SLITRK6: variants seen among roughly 807,000 people sequenced by gnomAD.
SLITRK6 encodes SLIT and NTRK like family member 6, also known as SLIT and NTRK-like protein 6.
A neutral mutation model predicts 55.6 loss-of-function variants in SLITRK6; 35 were observed. The observed-to-expected ratio is 0.63, with a 90% CI of 0.48 to 0.83. SLITRK6 has a LOEUF of 0.83. Among genes scored for constraint, SLITRK6 ranks in the 40% least tolerant of loss-of-function variants. The pLI is 0.00. For synonymous variants in SLITRK6, 392 were observed against 359.6 expected, an observed-to-expected ratio of 1.09 and a Z score of -1.02; for missense variants, 977 against 986.4, an observed-to-expected ratio of 0.99 and a Z score of 0.13.
At position 85,796,106 on chromosome 13, in the gene SLITRK6, G is replaced by C. The variant is rs200025237; in HGVS notation, c.403C>G (p.Leu135Val). The C allele has an allele frequency of 1.2e-6, 2 of 1,612,512 alleles. No homozygotes were observed. The highest frequency in any genetic ancestry group is 2.2e-5 in the South Asian group (2 of 90,914). ...EILKEDTFHG[L>V]ENLEFLQADN... is the part of the protein sequence containing the mutation. Reference sequence around the variant, plus strand: ...GCTTGCAGGAATTCCAGGTTTTCCAGTCCATGGAAAGTATCCTCTTTAAGA... The same window carrying C: ...GCTTGCAGGAATTCCAGGTTTTCCACTCCATGGAAAGTATCCTCTTTAAGA... The change falls in exon 2 of 2, where the codon CTG (leucine) becomes GTG (valine). Residue 135 changes from leucine (L) to valine (V), a missense_variant. Coordinates refer to ENST00000647374, the MANE Select transcript of SLITRK6 (RefSeq NM_032229.3).
Position 85,794,766 on chromosome 13 carries a change from G to C in SLITRK6, c.1743C>G (p.Tyr581Ter). The C allele has an allele frequency of 6.2e-7, 1 of 1,613,234 alleles. No homozygotes were observed. Among genetic ancestry groups the C allele is most frequent in the Non-Finnish European group, 8.5e-7 (1 of 1,179,532 alleles). The change falls in exon 2 of 2, where the codon TAC becomes TAG. Residue 581 changes from tyrosine (Y) to a stop codon, truncating the protein, a stop_gained. Coordinates refer to ENST00000647374, the MANE Select transcript of SLITRK6 (RefSeq NM_032229.3). LOFTEE classifies it high-confidence loss of function. Reference sequence around the variant, plus strand: ...TTGTTGCAGGAGTGGTGACCATAAGGTAACTAGTCTGTGTTGGCATGGATG... The same window carrying C: ...TTGTTGCAGGAGTGGTGACCATAAGCTAACTAGTCTGTGTTGGCATGGATG... ...NNPSMPTQTS[Y>*]LMVTTPATTT...
rs757970555 is a variant in SLITRK6, at chr13:85,795,183, A to C, written c.1326T>G (p.Leu442=). ...LGLHNLEYLY[L]EYNAIKEILP... ...GTATTTCCTTAATGGCATTGTATTC[A>C]AGATATAAGTATTCAAGATTATGGA... is the stretch of plus-strand genomic sequence containing the variant. Residue 442 remains leucine, a synonymous_variant, in exon 2 of 2, where the codon CTT becomes CTG. Transcript: ENST00000647374. The C allele has an allele frequency of 4.3e-6, 7 of 1,612,542 alleles. No individual in the cohort carries two copies. Among genetic ancestry groups the C allele is most frequent in the Non-Finnish European group, 5.1e-6 (6 of 1,179,352 alleles).
rs1436270401 is a variant in SLITRK6, at chr13:85,795,751, A to G, written c.758T>C (p.Phe253Ser). The G allele has an allele frequency of 6.2e-7, 1 of 1,612,782 alleles. No homozygotes were observed. Among genetic ancestry groups the G allele is most frequent in the Non-Finnish European group, 8.5e-7 (1 of 1,179,312 alleles). ...GDVVCNSPPF[F>S]KGSILSRLKK... ...TAGTCTACTGAGTATACTTCCTTTA[A>G]AAAATGGAGGGCTGTTGCAGACAAC... is the stretch of plus-strand genomic sequence containing the variant. Residue 253 changes from phenylalanine to serine, a missense_variant, in exon 2 of 2, where the codon TTT becomes TCT. Coordinates refer to ENST00000647374, the MANE Select transcript of SLITRK6 (RefSeq NM_032229.3).
rs149671294 is a variant in SLITRK6 at position 85,793,660 on chromosome 13, G to A, written c.*323C>T. On this transcript the variant is annotated 3_prime_UTR_variant, in exon 2 of 2. Coordinates refer to ENST00000647374, the MANE Select transcript of SLITRK6 (RefSeq NM_032229.3). ...TAGGGAAAGCAATTCAAGAAAATTCGGGATACTTAAATGTTCAGCCTTTTT... is the reference window on the plus strand; with the variant it reads ...TAGGGAAAGCAATTCAAGAAAATTCAGGATACTTAAATGTTCAGCCTTTTT... The A allele has an allele frequency of 6.2e-5, 13 of 209,720 alleles. No homozygotes were observed. The highest frequency in any genetic ancestry group is 1.8e-4 in the African/African-American group (8 of 43,628). The allele number at this position is 209,720 out of a possible 1,614,324, so 13.0% of individuals were successfully genotyped here. A position where few individuals can be genotyped will look rare whatever the true frequency, so the allele number is the denominator to read the frequency against.
chr13:85,795,899 G>C lies in SLITRK6; in HGVS notation c.610C>G (p.Leu204Val), dbSNP rs745678177. The change falls in exon 2 of 2, where the codon CTC becomes GTC. Residue 204 changes from leucine (L) to valine (V), a missense_variant. By Grantham distance (32) the Leu-to-Val change is conservative. Transcript: ENST00000647374. ...QLQTLPYVGF[L>V]EHIGRILDLQ... ...TCCAATATTCGGCCAATGTGTTCGA[G>C]AAAACCAACATAAGGCAATGTTTGT... 6.2e-7 allele frequency: 1 copy of C among 1,613,008 alleles called. No homozygotes were observed. The highest frequency in any genetic ancestry group is 2.2e-5 in the East Asian group (1 of 44,812).
Position 85,793,968 on chromosome 13 carries a change from C to T in SLITRK6, c.*15G>A. On this transcript the variant is annotated 3_prime_UTR_variant, in exon 2 of 2. Transcript: ENST00000647374. ...AGAATCACAGCATTTCTGCGAAAGC[C>T]CTCAAACTCTCCATCTATGTTTGCT... is the stretch of plus-strand genomic sequence containing the variant. The T allele has an allele frequency of 6.4e-7, 1 of 1,571,896 alleles. No individual in the cohort carries two copies. The highest frequency in any genetic ancestry group is 8.6e-7 in the Non-Finnish European group (1 of 1,161,546).
Position 85,794,994 on chromosome 13 carries a change from A to G in SLITRK6, c.1515T>C (p.Asp505=), listed in dbSNP as rs1459087189. Reference sequence around the variant, plus strand: ...GGTCAATCTGGGTTAGCAAATCAAGATCATCCAAAATATTACTTACAGGTA... The same window carrying G: ...GGTCAATCTGGGTTAGCAAATCAAGGTCATCCAAAATATTACTTACAGGTA... ...THLPVSNILD[D]LDLLTQIDLE... Residue 505 remains aspartate, a synonymous_variant, in exon 2 of 2, where the codon GAT becomes GAC. Transcript: ENST00000647374. 6.2e-7 allele frequency: 1 copy of G among 1,613,080 alleles called. No homozygotes were observed. Among genetic ancestry groups the G allele is most frequent in the Non-Finnish European group, 8.5e-7 (1 of 1,179,434 alleles).
Position 85,795,519 on chromosome 13 carries a change from A to T in SLITRK6, c.990T>A (p.Pro330=). Residue 330 remains proline, a synonymous_variant, in exon 2 of 2, where the codon CCT becomes CCA. Transcript: ENST00000647374. The part of the protein sequence containing the change: ...PSTQLPGPYC[P]IPCNCKVLSP... ...ATAGGACTTTGCAGTTACAAGGAAT[A>T]GGGCAGTAAGGTCCTGGAAGTTGAG... is the stretch of plus-strand genomic sequence containing the variant. 6.2e-7 allele frequency: 1 copy of T among 1,612,980 alleles called. No individual in the cohort carries two copies.
rs528309262 is a variant in SLITRK6, at chr13:85,793,170, T to G, written c.*813A>C. 1.3e-5 allele frequency: 2 copies of G among 152,136 alleles called. No homozygotes were observed. The highest frequency in any genetic ancestry group is 4.1e-4 in the South Asian group (2 of 4,828). The allele number at this position is 152,136 out of a possible 1,614,324, so 9.4% of individuals were successfully genotyped here. A position where few individuals can be genotyped will look rare whatever the true frequency, so the allele number is the denominator to read the frequency against. On this transcript the variant is annotated 3_prime_UTR_variant, in exon 2 of 2. Coordinates refer to ENST00000647374, the MANE Select transcript of SLITRK6 (RefSeq NM_032229.3). ...AAACCCAATATATTCTCTAGTCATA[T>G]TTACAGCAGAATCTCAGTAGCATTT...
Position 85,794,880 on chromosome 13 carries a change from G to T in SLITRK6, c.1629C>A (p.Asp543Glu), listed in dbSNP as rs375655378. ...QKLSKNTVTD[D>E]ILCTSPGHLD... ...GATGCCCGGGGGAAGTGCAGAGGAT[G>T]TCATCTGTCACTGTGTTCTTGCTTA... Residue 543 changes from aspartate (D) to glutamate (E), a missense_variant, in exon 2 of 2, where the codon GAC (aspartate) becomes GAA (glutamate). Physicochemically the swap from Asp to Glu is conservative, Grantham distance 45 (BLOSUM62 2). Transcript: ENST00000647374. 3.8e-5 allele frequency: 62 copies of T among 1,612,978 alleles called. No individual in the cohort carries two copies. The highest frequency in any genetic ancestry group is 4.9e-5 in the Non-Finnish European group (58 of 1,179,516).
rs914647974 is a variant in SLITRK6, at chr13:85,792,912, C to G, written c.*1071G>C. The G allele has an allele frequency of 6.6e-6, 1 of 152,158 alleles. No individual in the cohort carries two copies. The highest frequency in any genetic ancestry group is 2.4e-5 in the African/African-American group (1 of 41,378). 9.4% of individuals were successfully genotyped at this position (152,158 alleles called of 1,614,324 possible). On this transcript the variant is annotated 3_prime_UTR_variant, in exon 2 of 2. Transcript: ENST00000647374. ...TACAGAATAAATATTTCATAGAAATCTAACTATGCCTTCTTGTAAAATAAA... is the reference window on the plus strand; with the variant it reads ...TACAGAATAAATATTTCATAGAAATGTAACTATGCCTTCTTGTAAAATAAA...
intron 1 of SLITRK6, 64 bp downstream of exon 1, chr13:85,798,850 A>G (rs1874798290): frequency 6.6e-6 from 1 of 151,972 alleles, no homozygotes; most frequent in Non-Finnish European, 1.5e-5. Context: ...CGAACATACA[A>G]ATTCAATCAC....
At position 85,794,204 on chromosome 13, in the gene SLITRK6, G is replaced by C; in HGVS notation, c.2305C>G (p.Leu769Val). The part of the protein sequence containing the change: ...ILEKERELQQ[L>V]GITEYLRKNI... ...TTCCTTAGGTATTCTGTGATTCCCAGTTGCTGAAGTTCCCTTTCTTTTTCT... is the reference window on the plus strand; with the variant it reads ...TTCCTTAGGTATTCTGTGATTCCCACTTGCTGAAGTTCCCTTTCTTTTTCT... The change falls in exon 2 of 2, where the codon CTG (leucine) becomes GTG (valine). Residue 769 changes from leucine to valine, a missense_variant. Physicochemically the swap from Leu to Val is conservative, Grantham distance 32. Transcript: ENST00000647374. 6.2e-7 allele frequency: 1 copy of C among 1,612,750 alleles called. No individual in the cohort carries two copies. The highest frequency in any genetic ancestry group is 8.5e-7 in the Non-Finnish European group (1 of 1,179,372).
rs1376495812 is a variant in SLITRK6, at chr13:85,796,462, A to G, written c.47T>C (p.Ile16Thr). ...CACTGGAGTTTGGGAGTGTAAAGAT[A>G]TACAGGCAAGGAGAGATGAATAAAA... ...HLFYSSLLAC[I>T]SLHSQTPVLS... Residue 16 changes from isoleucine (I) to threonine (T), a missense_variant, in exon 2 of 2, where the codon ATA becomes ACA. By Grantham distance (89) the Ile-to-Thr change is moderately conservative. Transcript: ENST00000647374. 2 of 1,594,886 alleles carry G rather than the reference A, an allele frequency of 1.3e-6. No individual in the cohort carries two copies. Among genetic ancestry groups the G allele is most frequent in the Non-Finnish European group, 1.7e-6 (2 of 1,173,440 alleles).
rs747579423 is a variant in SLITRK6, at chr13:85,794,812, CAG to C, written c.1695_1696del (p.Cys566SerfsTer6). On this transcript the variant is annotated frameshift_variant, in exon 2 of 2. Transcript: ENST00000647374. LOFTEE classifies it high-confidence loss of function. ...GGATGGGTTATTTACTAAACCTGGA[CAG>C]AGAATTTCACTATTTAGGGCTTTCA... 7 of 1,613,068 alleles carry C rather than the reference CAG, an allele frequency of 4.3e-6. No individual in the cohort carries two copies. The highest frequency in any genetic ancestry group is 5.9e-6 in the Non-Finnish European group (7 of 1,179,534).
rs1228594553 is a variant in SLITRK6, at chr13:85,793,913, G to A, written c.*70C>T. 4 of 1,501,750 alleles carry A rather than the reference G, an allele frequency of 2.7e-6. No homozygotes were observed. Among genetic ancestry groups the A allele is most frequent in the Admixed American group, 2.3e-5 (1 of 43,780 alleles). 93.0% of individuals were successfully genotyped at this position (1,501,750 alleles called of 1,614,324 possible). A position where few individuals can be genotyped will look rare whatever the true frequency, so the allele number is the denominator to read the frequency against. On this transcript the variant is annotated 3_prime_UTR_variant, in exon 2 of 2. Coordinates refer to ENST00000647374, the MANE Select transcript of SLITRK6 (RefSeq NM_032229.3). ...CTGATTGATGACACACTCACGTAAG[G>A]CACTTATTTACAAGGTATGGACTTA...
At position 85,793,635 on chromosome 13, in the gene SLITRK6, T is replaced by C. The variant is rs964579503; in HGVS notation, c.*348A>G. The C allele has an allele frequency of 1.6e-5, 3 of 191,286 alleles. No individual in the cohort carries two copies. The highest frequency in any genetic ancestry group is 7.0e-5 in the African/African-American group (3 of 42,782). The allele number at this position is 191,286 out of a possible 1,614,324, so 11.8% of individuals were successfully genotyped here. On this transcript the variant is annotated 3_prime_UTR_variant, in exon 2 of 2. Transcript: ENST00000647374. ...ATGAAATCCAATTGTAATTAATCTA[T>C]AGGGAAAGCAATTCAAGAAAATTCG...
Position 85,796,191 on chromosome 13 carries a change from A to G in SLITRK6, c.318T>C (p.Gly106=), listed in dbSNP as rs763404048. Reference sequence around the variant, plus strand: ...TCAGGAGGCCAAGGCCATTAAATGCACCTATCTCAATATCTGCAATATTGT... The same window carrying G: ...TCAGGAGGCCAAGGCCATTAAATGCGCCTATCTCAATATCTGCAATATTGT... ...GFNNIADIEI[G]AFNGLGLLKQ... The change falls in exon 2 of 2, where the codon GGT becomes GGC. Residue 106 remains glycine (G), a synonymous_variant. Transcript: ENST00000647374. 1 of 1,612,984 alleles carries G rather than the reference A, an allele frequency of 6.2e-7. No individual in the cohort carries two copies. Among genetic ancestry groups the G allele is most frequent in the Non-Finnish European group, 8.5e-7 (1 of 1,179,474 alleles).
In SLITRK6 at chr13:85,795,316, C is replaced by T. The variant is rs1201478731; in HGVS notation, c.1193G>A (p.Arg398His). Residue 398 changes from arginine (R) to histidine (H), a missense_variant, in exon 2 of 2, where the codon CGT becomes CAT. By Grantham distance (29) the Arg-to-His change is conservative. Coordinates refer to ENST00000647374, the MANE Select transcript of SLITRK6 (RefSeq NM_032229.3). Reference protein sequence around the residue: ...TLEMLHLGNNRIEVLEEGSFM... With the variant: ...TLEMLHLGNNHIEVLEEGSFM... ...CGATCCTTCTTCAAGAACTTCAATA[C>T]GATTGTTTCCCAAGTGAAGCATTTC... 2.5e-6 allele frequency: 4 copies of T among 1,612,520 alleles called. No individual in the cohort carries two copies. Among genetic ancestry groups the T allele is most frequent in the East Asian group, 2.2e-5 (1 of 44,776 alleles).
Sources: gnomAD v4.1 joint callset for allele counts on GRCh38, gnomAD v4.1.1 for gene constraint, MANE v1.5 for transcripts, NCBI Gene and HGNC (gene_info 2026-07-23, HGNC 2026-07-21) for gene names.